The following PTER variants were observed in gnomAD, a reference collection of about 807,000 sequenced individuals.
The protein encoded by PTER is N-acetyltaurine hydrolase.
A neutral mutation model predicts 29.6 loss-of-function variants in PTER; 38 were observed. The ratio of observed to expected loss-of-function variants is 1.28; its 90% CI spans 0.99 to 1.68. The LOEUF (loss-of-function observed/expected upper bound fraction) is 1.68, where lower values mean the gene tolerates loss of function less well. Ranked by LOEUF, PTER falls within the 40% of genes most tolerant of loss-of-function variation. The pLI, the probability that PTER is intolerant of heterozygous loss-of-function variation, is 0.00. For synonymous variants in PTER, 172 were observed against 154.5 expected, an observed-to-expected ratio of 1.11 and a Z score of -0.84; for missense variants, 482 against 427.8, an observed-to-expected ratio of 1.13 and a Z score of -1.12.
intron 1 of PTER, among the ~76,000 whole-genome samples, chr10:16,481,375 A>G (rs1390175461): frequency 6.6e-6 from 1 of 152,198 alleles, no homozygotes; most frequent in Non-Finnish European, 1.5e-5. Flanking sequence ...GGCCATGAAT[A>G]ACCTCTTGCC....
At chr10:16,466,321 A>G (rs1834826085) in intron 1 of PTER, among the ~76,000 whole-genome samples, 1 of 151,820 alleles carries the variant, frequency 6.6e-6, no homozygotes, top group African/African-American at 2.4e-5. Context: ...TTTTACACCA[A>G]ACAGGCTAGG....
At chr10:16,463,079 G>T (rs1474190603) in intron 1 of PTER, among the ~76,000 whole-genome samples, 1 of 151,650 alleles carries the variant, frequency 6.6e-6, no homozygotes, top group Non-Finnish European at 1.5e-5. Context: ...TGTAGTCTCA[G>T]CTACTCGGGA....
chr10:16,518,914 G>A, the PTER span, among the ~76,000 whole-genome samples: 6 of 152,042 alleles, frequency 3.9e-5, no homozygotes, highest in African/African-American at 7.2e-5. Context: ...AGTCCTGCCC[G>A]TTTTAGCCAT....
intron 1 of PTER, among the ~76,000 whole-genome samples, chr10:16,448,088 T>G (rs1834078976): frequency 6.6e-6 from 1 of 152,264 alleles, no homozygotes; most frequent in South Asian, 2.1e-4. Flanking sequence ...ACGTTCAGTT[T>G]CTACCAAAGC....
intron 1 of PTER, among the ~76,000 whole-genome samples, chr10:16,460,003 C>T (rs1294524134): frequency 6.6e-6 from 1 of 152,196 alleles, no homozygotes; most frequent in Non-Finnish European, 1.5e-5. Context: ...CCGCCTCGGC[C>T]TCCCACAGTG....
rs752376820 is a variant in PTER, at chr10:16,484,424, C to G, written c.40C>G (p.Leu14Val). 8.1e-6 allele frequency: 13 copies of G among 1,610,090 alleles called. No homozygotes were observed. Among genetic ancestry groups the G allele is most frequent in the African/African-American group, 1.3e-5 (1 of 74,574 alleles). The change falls in exon 2 of 5, where the codon CTT becomes GTT. Residue 14 changes from leucine to valine, a missense_variant. Leu to Val is a conservative substitution (Grantham distance 32). Coordinates refer to ENST00000535784, the MANE Select transcript of PTER (RefSeq NM_001261836.2). ...TGGAAAAGTCCAAACCGTTTTGGGCCTTGTAGAGCCAAGCAAACTGGGCCG... is the reference window on the plus strand; with the variant it reads ...TGGAAAAGTCCAAACCGTTTTGGGCGTTGTAGAGCCAAGCAAACTGGGCCG... The part of the protein sequence containing the change: ...LSGKVQTVLG[L>V]VEPSKLGRTL...
chr10:16,488,463 T>C lies in PTER; in HGVS notation c.698+1846T>C, dbSNP rs182105648. Among the ~76,000 whole-genome samples the C allele has an allele frequency of 2.6e-5, 4 of 152,350 alleles. No individual in the cohort carries two copies. The East Asian group carries it at 5.8e-4, about 22-fold the overall frequency. ...ATTACACTAATACTTTTAAATTTTATAAAATGTTTTAGATTCTTAAAAGCG... is the reference window on the plus strand; with the variant it reads ...ATTACACTAATACTTTTAAATTTTACAAAATGTTTTAGATTCTTAAAAGCG... On this transcript the variant is annotated intron_variant, in intron 3 of 4. Transcript: ENST00000535784.
chr10:16,441,618 A>G (rs45526534), intron 1 of PTER, among the ~76,000 whole-genome samples: 4,000 of 152,308 alleles, frequency 0.026, 73 homozygotes, highest in African/African-American at 0.043. Flanking sequence ...GTTAACAATC[A>G]AAGTTCTCCC....
intron 1 of PTER, among the ~76,000 whole-genome samples, chr10:16,470,740 C>A (rs922620477): frequency 6.6e-6 from 1 of 152,162 alleles, no homozygotes; most frequent in Admixed American, 6.5e-5. Context: ...TCCACTCCAG[C>A]CTGGGTGACA....
chr10:16,480,810 T>G (rs1835453178), intron 1 of PTER, among the ~76,000 whole-genome samples: 1 of 152,252 alleles, frequency 6.6e-6, no homozygotes, highest in Non-Finnish European at 1.5e-5. Flanking sequence ...ACTACCGTCC[T>G]GCACACCAAA....
At position 16,461,284 on chromosome 10, in the gene PTER, A is replaced by G. The variant is rs140734530; in HGVS notation, c.-48-23053A>G. Among the ~76,000 whole-genome samples the G allele has an allele frequency of 2.9e-3, 448 of 151,974 alleles. 6 individuals carry two copies. In the East Asian group the frequency reaches 0.049, roughly 16 times the overall value. On this transcript the variant is annotated intron_variant, in intron 1 of 4. Transcript: ENST00000535784. ...ATGGGGAAAATATATAAGCAAATTA[A>G]ATTTTAGCAAATTAAATATAATTAA...
intron 1 of PTER, among the ~76,000 whole-genome samples, chr10:16,483,614 G>A (rs540103731): frequency 5.3e-5 from 8 of 152,228 alleles, no homozygotes; most frequent in East Asian, 1.9e-4. Flanking sequence ...TTGGGAGGCC[G>A]AGGCAGGCAG....
chr10:16,438,538 G>C (rs1833737141), intron 1 of PTER, among the ~76,000 whole-genome samples: 2 of 148,282 alleles, frequency 1.3e-5, no homozygotes, highest in Non-Finnish European at 3.0e-5. Context: ...CAAACTCCTG[G>C]GCTCAAATGA....
chr10:16,497,352 C>T (rs767547313), intron 3 of PTER, among the ~76,000 whole-genome samples: 7 of 150,054 alleles, frequency 4.7e-5, no homozygotes, highest in African/African-American at 1.2e-4. Flanking sequence ...ATTCTTCGTT[C>T]GCAATACTGT....
intron 1 of PTER, among the ~76,000 whole-genome samples, chr10:16,479,001 C>A (rs1055590418): frequency 1.3e-5 from 2 of 152,092 alleles, no homozygotes; most frequent in Non-Finnish European, 2.9e-5. Context: ...ACTGTCACTT[C>A]CTGGGTTCGT....
At chr10:16,508,719 A>G (rs558073147) in intron 4 of PTER, among the ~76,000 whole-genome samples, 196 of 152,308 alleles carry the variant, frequency 1.3e-3, no homozygotes, top group Non-Finnish European at 1.3e-3. Context: ...GTGCTATTCC[A>G]TACGTACGTG....
In PTER at chr10:16,511,340, C is replaced by G; in HGVS notation, c.*84C>G. On this transcript the variant is annotated 3_prime_UTR_variant, in exon 5 of 5. Transcript: ENST00000535784. ...TTCCAGTCCACTGTGAGATATTAAT[C>G]AGTTACCTAGGACTAATGACAGATC... 1 of 1,246,368 alleles carries G rather than the reference C, an allele frequency of 8.0e-7. No homozygotes were observed. The highest frequency in any genetic ancestry group is 1.2e-6 in the Non-Finnish European group (1 of 858,966). The allele number at this position is 1,246,368 out of a possible 1,614,324, so 77.2% of individuals were successfully genotyped here.
chr10:16,450,909 C>T (rs1198031530), intron 1 of PTER, among the ~76,000 whole-genome samples: 2 of 152,188 alleles, frequency 1.3e-5, no homozygotes, highest in African/African-American at 4.8e-5. Context: ...TTGCATAACT[C>T]TTTAAACAGT....
chr10:16,507,148 A>G (rs1836604328), intron 4 of PTER, among the ~76,000 whole-genome samples: 1 of 151,230 alleles, frequency 6.6e-6, no homozygotes, highest in African/African-American at 2.4e-5. Flanking sequence ...ATAGACAGGA[A>G]AAGCATAGCA....
Sources: allele counts gnomAD v4.1 joint callset (sites outside exome capture counted in the v4.1 genomes callset), GRCh38; gene constraint gnomAD v4.1.1; transcripts MANE v1.5; gene names NCBI Gene and HGNC (gene_info 2026-07-23, HGNC 2026-07-21).